The following RBFOX3 variants were observed in gnomAD, a reference collection of about 807,000 sequenced individuals.
The protein encoded by RBFOX3 is RNA binding protein fox-1 homolog 3.
In RBFOX3, 17 loss-of-function variants were observed where a neutral mutation model predicts 48.7. The observed-to-expected ratio is 0.35, with a 90% CI of 0.24 to 0.52. RBFOX3 has a LOEUF of 0.52. RBFOX3 is among the 20% of genes least tolerant of loss of function. RBFOX3 has a pLI of 0.94. For missense variants in RBFOX3, 382 were observed against 497.5 expected, an observed-to-expected ratio of 0.77 and a Z score of 2.21; for synonymous variants, 212 against 209.5, an observed-to-expected ratio of 1.01 and a Z score of -0.10.
chr17:79,179,193 G>C (rs1407470561), intron 4 of RBFOX3, among the ~76,000 whole-genome samples: 3 of 152,180 alleles, frequency 2.0e-5, no homozygotes, highest in Admixed American at 1.3e-4. Flanking sequence ...AGAGGGAAGA[G>C]AGAATGATTA....
intron 1 of RBFOX3, among the ~76,000 whole-genome samples, chr17:79,556,666 A>G (rs2091784483): frequency 6.6e-6 from 1 of 152,264 alleles, no homozygotes; most frequent in Admixed American, 6.5e-5. Flanking sequence ...ATGAAAATAT[A>G]TGAACTAGGA....
At chr17:79,565,143 T>G (rs1286347224) in intron 1 of RBFOX3, among the ~76,000 whole-genome samples, 1 of 39,366 alleles carries the variant, frequency 2.5e-5, no homozygotes, top group East Asian at 1.0e-3. Context: ...AAATATGTAT[T>G]TTTTTAAAAG....
chr17:79,119,172 A>C (rs2035018066), intron 4 of RBFOX3, among the ~76,000 whole-genome samples: 1 of 152,042 alleles, frequency 6.6e-6, no homozygotes. Context: ...TGAGCTAACA[A>C]ATGACAGGCG....
At chr17:79,578,243 G>C (rs2092927999) in intron 1 of RBFOX3, among the ~76,000 whole-genome samples, 1 of 152,258 alleles carries the variant, frequency 6.6e-6, no homozygotes, top group African/African-American at 2.4e-5. Flanking sequence ...CAGGAGCTTT[G>C]CAACAAAACC....
At chr17:79,420,391 GC>G (rs782288411) in intron 2 of RBFOX3, among the ~76,000 whole-genome samples, 1 of 152,266 alleles carries the variant, frequency 6.6e-6, no homozygotes, top group Non-Finnish European at 1.5e-5. Flanking sequence ...CAATTAGAAC[GC>G]CCCCACCCAC....
chr17:79,622,186 C>A, the RBFOX3 span, among the ~76,000 whole-genome samples: 1 of 152,206 alleles, frequency 6.6e-6, no homozygotes, highest in Non-Finnish European at 1.5e-5. Context: ...ACAAAGGCAG[C>A]AGCTGCTGGC....
At chr17:79,218,383 A>G (rs1257815587) in intron 4 of RBFOX3, among the ~76,000 whole-genome samples, 1 of 152,044 alleles carries the variant, frequency 6.6e-6, no homozygotes, top group Non-Finnish European at 1.5e-5. Context: ...GGAGCCGGGG[A>G]TCTGGCTCCT....
intron 3 of RBFOX3, among the ~76,000 whole-genome samples, 182 bp from the exon 4 acceptor site, chr17:79,235,987 A>G (rs748559485): frequency 2.0e-5 from 3 of 152,178 alleles, no homozygotes; most frequent in Non-Finnish European, 4.4e-5. Context: ...CATCTCAAGC[A>G]TGGCTGGGAG....
chr17:79,374,059 C>T (rs536741429), intron 2 of RBFOX3, among the ~76,000 whole-genome samples: 1 of 152,244 alleles, frequency 6.6e-6, no homozygotes, highest in African/African-American at 2.4e-5. Flanking sequence ...GACGGGGTTT[C>T]GCCATGTTGG....
Position 79,097,366 on chromosome 17 carries a change from A to C in RBFOX3, c.681T>G (p.Leu227=). The change falls in exon 11 of 15, where the codon CTT becomes CTG. Residue 227 remains leucine (L), a synonymous_variant. Transcript: ENST00000693108. ...GTAVAYRGAH[L]RGRGRAVYNT... ...TATACACGGCCCGGCCCCGGCCCCG[A>C]AGATGTGCGCCCCGGTAGGCAACGG... The C allele has an allele frequency of 6.5e-7, 1 of 1,548,136 alleles. No homozygotes were observed. Among genetic ancestry groups the C allele is most frequent in the African/African-American group, 1.4e-5 (1 of 72,796 alleles).
At chr17:79,572,059 G>T (rs1028522388) in intron 1 of RBFOX3, among the ~76,000 whole-genome samples, 1 of 152,258 alleles carries the variant, frequency 6.6e-6, no homozygotes, top group Non-Finnish European at 1.5e-5. Flanking sequence ...CCCGAGAGGC[G>T]GGTGTTATTA....
intron 1 of RBFOX3, among the ~76,000 whole-genome samples, chr17:79,511,671 C>T (rs1232977686): frequency 6.6e-6 from 1 of 150,384 alleles, no homozygotes; most frequent in Non-Finnish European, 1.5e-5. Context: ...GGACACCCAC[C>T]CGGATACATG....
intron 4 of RBFOX3, among the ~76,000 whole-genome samples, chr17:79,229,663 G>A (rs78801015): frequency 0.011 from 1,672 of 151,922 alleles, 26 homozygotes; most frequent in African/African-American, 0.037. Context: ...GGGGTGGCAT[G>A]AGGAGGTGGG....
chr17:79,229,246 A>G (rs2060705422), intron 4 of RBFOX3, among the ~76,000 whole-genome samples: 1 of 129,682 alleles, frequency 7.7e-6, no homozygotes, highest in Non-Finnish European at 1.7e-5. Flanking sequence ...AAAAAAAAAA[A>G]AAAAAAAAAA....
intron 2 of RBFOX3, among the ~76,000 whole-genome samples, chr17:79,335,000 T>C (rs2080972552): frequency 6.6e-6 from 1 of 152,240 alleles, no homozygotes; most frequent in Admixed American, 6.5e-5. Context: ...TCTTACCCTC[T>C]GAAACCTGGC....
the RBFOX3 span, among the ~76,000 whole-genome samples, chr17:79,620,574 C>T: frequency 1.1e-5 from 1 of 92,018 alleles, no homozygotes; most frequent in African/African-American, 3.9e-5. Flanking sequence ...CCCGCGCGTG[C>T]ACACACGCAC....
chr17:79,128,915 C>A (rs1197778911), intron 4 of RBFOX3, among the ~76,000 whole-genome samples: 1 of 152,162 alleles, frequency 6.6e-6, no homozygotes, highest in Non-Finnish European at 1.5e-5. Context: ...ATTGCAAATG[C>A]CTCAGGCCAG....
intron 4 of RBFOX3, among the ~76,000 whole-genome samples, chr17:79,166,252 A>AT (rs2047985239): frequency 6.6e-6 from 1 of 151,466 alleles, no homozygotes; most frequent in Non-Finnish European, 1.5e-5. Context: ...TCCCTCCTGC[A>AT]CCCCCCAGCG....
intron 2 of RBFOX3, among the ~76,000 whole-genome samples, chr17:79,466,047 T>C (rs1683227940): frequency 6.6e-6 from 1 of 152,190 alleles, no homozygotes; most frequent in African/African-American, 2.4e-5. Context: ...GGCTGGCCCA[T>C]GAGGCTCCCT....
Sources: allele counts gnomAD v4.1 joint callset (sites outside exome capture counted in the v4.1 genomes callset), GRCh38; gene constraint gnomAD v4.1.1; transcripts MANE v1.5; gene names NCBI Gene and HGNC (gene_info 2026-07-23, HGNC 2026-07-21).